ADGRV1: variants seen among roughly 807,000 people sequenced by gnomAD.
ADGRV1 encodes the protein adhesion G protein-coupled receptor V1, also known as G-protein coupled receptor 98.
In ADGRV1, 359 loss-of-function variants were observed where a neutral mutation model predicts 596.2. The observed-to-expected ratio is 0.60, with a 90% confidence interval of 0.55 to 0.66. The LOEUF (loss-of-function observed/expected upper bound fraction) is 0.66, where lower values mean the gene tolerates loss of function less well. Ranked by LOEUF, ADGRV1 falls within the 30% of genes least tolerant of loss-of-function variation. The pLI is 0.00. For missense variants in ADGRV1, 7,274 were observed against 7,575.6 expected, an observed-to-expected ratio of 0.96 and a Z score of 1.48; for synonymous variants, 2,681 against 2,679.2, an observed-to-expected ratio of 1.00 and a Z score of -0.02.
At chr5:91,163,625 A>G (rs1259831419) in intron 89 of ADGRV1, among the ~76,000 whole-genome samples, 157 bp from the exon 90 acceptor site, 1 of 152,252 alleles carries the variant, frequency 6.6e-6, no homozygotes, top group South Asian at 2.1e-4. Context: ...AGATAGTTTC[A>G]TAATTGTTAG....
chr5:90,716,961 A>G lies in ADGRV1; in HGVS notation c.9447+232A>G, dbSNP rs73175221. On this transcript the variant is annotated intron_variant, in intron 43 of 89. Transcript: ENST00000405460. ...TAGGGTAAAAGAATATGCAAATAATAAAGAAAATATATGTATGGCTATTTT... is the reference window on the plus strand; with the variant it reads ...TAGGGTAAAAGAATATGCAAATAATGAAGAAAATATATGTATGGCTATTTT... 0.019 allele frequency: 6,375 copies of G among 327,586 alleles called. 108 individuals are homozygous for G. The highest frequency in any genetic ancestry group is 0.059 in the African/African-American group (2,867 of 48,270). 20.3% of individuals were successfully genotyped at this position (327,586 alleles called of 1,614,324 possible).
At chr5:90,909,811 A>C (rs1772684401) in intron 83 of ADGRV1, among the ~76,000 whole-genome samples, 1 of 152,244 alleles carries the variant, frequency 6.6e-6, no homozygotes, top group Non-Finnish European at 1.5e-5. Context: ...TGACTGGCTC[A>C]GTGTGTTTCT....
intron 83 of ADGRV1, among the ~76,000 whole-genome samples, chr5:90,959,909 G>A (rs1336304074): frequency 6.6e-6 from 1 of 152,152 alleles, no homozygotes; most frequent in Non-Finnish European, 1.5e-5. Flanking sequence ...GGAGGCTAAG[G>A]TGGGCAGATC....
At chr5:91,039,994 C>T (rs1253615717) in intron 85 of ADGRV1, among the ~76,000 whole-genome samples, 1 of 151,760 alleles carries the variant, frequency 6.6e-6, no homozygotes, top group Non-Finnish European at 1.5e-5. Context: ...CAGAAGAGAC[C>T]TATGAAGATG....
chr5:90,900,484 T>C (rs537200252), intron 83 of ADGRV1, among the ~76,000 whole-genome samples: 1 of 152,230 alleles, frequency 6.6e-6, no homozygotes, highest in Non-Finnish European at 1.5e-5. Flanking sequence ...TCAGAGTTTG[T>C]TTTGTTTTGC....
In ADGRV1 at chr5:90,745,567, T is replaced by C. The variant is rs148469234; in HGVS notation, c.10770-24T>C. On this transcript the variant is annotated intron_variant, in intron 51 of 89. Coordinates refer to ENST00000405460, the MANE Select transcript of ADGRV1 (RefSeq NM_032119.4). ...TCTTAAATTTGTTGTAGTTGACTTATTTTGTATATGCTTCTTATGGTAGTT... is the reference window on the plus strand; with the variant it reads ...TCTTAAATTTGTTGTAGTTGACTTACTTTGTATATGCTTCTTATGGTAGTT... 5.2e-4 allele frequency: 794 copies of C among 1,530,786 alleles called. 2 individuals carry two copies. In the African/African-American group the frequency reaches 9.7e-3, roughly 19 times the overall value. 94.8% of individuals were successfully genotyped at this position (1,530,786 alleles called of 1,614,324 possible).
intron 1 of ADGRV1, among the ~76,000 whole-genome samples, chr5:90,580,540 A>G (rs1055373721): frequency 6.7e-5 from 10 of 149,626 alleles, no homozygotes; most frequent in Admixed American, 4.7e-4. Context: ...TTTCTCCTTC[A>G]CTTAGTTTGG....
intron 83 of ADGRV1, among the ~76,000 whole-genome samples, chr5:90,877,398 C>T (rs1038076402): frequency 6.6e-6 from 1 of 152,102 alleles, no homozygotes; most frequent in Non-Finnish European, 1.5e-5. Context: ...GGAGGAGCAA[C>T]AGAAAATGAG....
At chr5:90,581,654 G>C (rs1225776530) in intron 1 of ADGRV1, among the ~76,000 whole-genome samples, 1 of 152,190 alleles carries the variant, frequency 6.6e-6, no homozygotes, top group Non-Finnish European at 1.5e-5. Context: ...TGAGGTGTCT[G>C]TCGGCCCCTA....
intron 87 of ADGRV1, among the ~76,000 whole-genome samples, chr5:91,126,862 G>A (rs147858763): frequency 3.7e-4 from 57 of 152,260 alleles, no homozygotes; most frequent in African/African-American, 1.2e-3. Flanking sequence ...TATGCCTGGT[G>A]TTTGAATGGA....
At chr5:91,025,039 C>G (rs950211997) in intron 85 of ADGRV1, among the ~76,000 whole-genome samples, 4 of 152,086 alleles carry the variant, frequency 2.6e-5, no homozygotes, top group Non-Finnish European at 4.4e-5. Context: ...AGTTGATTAC[C>G]TATAGCAAGC....
Position 90,725,095 on chromosome 5 carries a change from A to T in ADGRV1, c.9916A>T (p.Ile3306Leu). 6.5e-7 allele frequency: 1 copy of T among 1,540,876 alleles called. No individual in the cohort carries two copies. Among genetic ancestry groups the T allele is most frequent in the African/African-American group, 1.4e-5 (1 of 71,936 alleles). The change falls in exon 47 of 90, where the codon ATA becomes TTA. Residue 3306 changes from isoleucine to leucine, a missense_variant. This residue lies in a region of ADGRV1 where 3,643 missense variants were observed against 3,809.2 expected (regional missense o/e 0.96). Coordinates refer to ENST00000405460, the MANE Select transcript of ADGRV1 (RefSeq NM_032119.4). ...ATTCCTCATTTTCTAGGATTTAAAT[A>T]TAGAAAATCCTAAAACTTGTGAGGC... ...GIFIPVEDLN[I>L]ENPKTCEAFN...
rs778288846 is a variant in ADGRV1 at position 90,683,885 on chromosome 5, T to TA, written c.5967dup (p.Val1990SerfsTer2). On this transcript the variant is annotated frameshift_variant, in exon 28 of 90. Transcript: ENST00000405460. LOFTEE classifies it high-confidence loss of function. Reference sequence around the variant, plus strand: ...TTTTTTCTGAGAAAAACAGACCTGTTAAAGTTGAGGAAGCAACCCAGAACA... The same window carrying TA: ...TTTTTTCTGAGAAAAACAGACCTGTTAAAAGTTGAGGAAGCAACCCAGAACA... The TA allele has an allele frequency of 9.9e-6, 16 of 1,613,396 alleles. No homozygotes were observed. The highest frequency in any genetic ancestry group is 1.4e-5 in the Non-Finnish European group (16 of 1,179,658).
chr5:90,567,985 G>T (rs986703138), intron 1 of ADGRV1, among the ~76,000 whole-genome samples: 5 of 152,024 alleles, frequency 3.3e-5, no homozygotes, highest in African/African-American at 1.2e-4. Context: ...TGATCCACCC[G>T]CCTCGGCCTC....
chr5:90,832,736 A>C (rs911119690), intron 77 of ADGRV1, among the ~76,000 whole-genome samples: 4 of 152,156 alleles, frequency 2.6e-5, no homozygotes, highest in African/African-American at 9.7e-5. Flanking sequence ...TCTTAAATTT[A>C]AGTCTTTAAT....
At chr5:90,812,237 T>C (rs1379072157) in intron 74 of ADGRV1, among the ~76,000 whole-genome samples, 1 of 152,214 alleles carries the variant, frequency 6.6e-6, no homozygotes, top group Non-Finnish European at 1.5e-5. Context: ...GAAATCATAC[T>C]GTATTTCTTT....
intron 75 of ADGRV1, among the ~76,000 whole-genome samples, chr5:90,821,372 T>C (rs1448378715): frequency 6.6e-6 from 1 of 151,230 alleles, no homozygotes; most frequent in Non-Finnish European, 1.5e-5. Context: ...TGTCCTCCCG[T>C]AGCTCAGAGT....
intron 83 of ADGRV1, among the ~76,000 whole-genome samples, chr5:90,891,720 G>T (rs1770840965): frequency 6.6e-6 from 1 of 151,712 alleles, no homozygotes; most frequent in African/African-American, 2.4e-5. Flanking sequence ...ACTTTTAGAA[G>T]AATTTCTGTT....
chr5:90,581,965 G>A (rs1758119965), intron 1 of ADGRV1, among the ~76,000 whole-genome samples: 1 of 152,088 alleles, frequency 6.6e-6, no homozygotes, highest in Non-Finnish European at 1.5e-5. Flanking sequence ...GGAGTCAGTT[G>A]TTTAATTTCC....
Sources: gnomAD v4.1 joint callset for allele counts (sites outside exome capture counted in the v4.1 genomes callset) on GRCh38, gnomAD v4.1.1 for gene constraint, gnomAD v4.1.1 regional missense constraint, MANE v1.5 for transcripts, NCBI Gene and HGNC (gene_info 2026-07-23, HGNC 2026-07-21) for gene names.